Variants in PXDNL observed in about 807,000 individuals in gnomAD.
PXDNL encodes probable oxidoreductase PXDNL.
A neutral mutation model predicts 150.8 loss-of-function variants in PXDNL; 145 were observed. That is an observed-to-expected ratio of 0.96 (90% CI 0.84 to 1.10). The LOEUF (loss-of-function observed/expected upper bound fraction) is 1.10, where lower values mean the gene tolerates loss of function less well. Among genes scored for constraint, PXDNL ranks in the 50% least tolerant of loss-of-function variants. The pLI, the probability that PXDNL is intolerant of heterozygous loss-of-function variation, is 0.00. For missense variants in PXDNL, 2,087 were observed against 1,873.9 expected (o/e 1.11, Z -2.10); for synonymous variants, 757 against 725.7 (o/e 1.04, Z -0.69).
intron 20 of PXDNL, among the ~76,000 whole-genome samples, chr8:51,341,050 C>T (rs770549423): frequency 3.9e-5 from 6 of 152,172 alleles, no homozygotes; most frequent in African/African-American, 7.2e-5. Flanking sequence ...TGGAGTAGGA[C>T]GGTATTCACA....
At chr8:51,695,104 T>C (rs1162132342) in intron 1 of PXDNL, among the ~76,000 whole-genome samples, 5 of 152,198 alleles carry the variant, frequency 3.3e-5, no homozygotes, top group African/African-American at 1.2e-4. Flanking sequence ...AGAGGCTGTG[T>C]CAGCAGAACC....
chr8:51,323,030 C>T, intron 21 of PXDNL, among the ~76,000 whole-genome samples: 1 of 152,008 alleles, frequency 6.6e-6, no homozygotes, highest in African/African-American at 2.4e-5. Flanking sequence ...TCACAATAAC[C>T]AGATGTGAAC....
At chr8:51,574,904 G>T (rs1813017535) in intron 3 of PXDNL, among the ~76,000 whole-genome samples, 1 of 152,008 alleles carries the variant, frequency 6.6e-6, no homozygotes, top group Non-Finnish European at 1.5e-5. Flanking sequence ...TGAAGGAATG[G>T]TTAAATGAAA....
chr8:51,330,924 A>G (rs1221416626), intron 21 of PXDNL, among the ~76,000 whole-genome samples: 2 of 152,216 alleles, frequency 1.3e-5, no homozygotes, highest in African/African-American at 2.4e-5. Context: ...CAAACAAGTT[A>G]TTTGCTTTCA....
intron 4 of PXDNL, among the ~76,000 whole-genome samples, chr8:51,543,800 A>G (rs945743745): frequency 4.6e-5 from 7 of 152,128 alleles, no homozygotes; most frequent in African/African-American, 1.7e-4. Context: ...TATGAGGAAC[A>G]TGGCTAGAAG....
chr8:51,320,597 G>T, intron 22 of PXDNL, 187 bp downstream of exon 22: 1 of 544,366 alleles, frequency 1.8e-6, no homozygotes, highest in Non-Finnish European at 3.2e-6. Context: ...TCATTAGATT[G>T]TGACTATACT....
chr8:51,792,247 G>T (rs982255493), intron 1 of PXDNL, among the ~76,000 whole-genome samples: 2 of 152,016 alleles, frequency 1.3e-5, no homozygotes, highest in African/African-American at 4.8e-5. Context: ...CTCTCACTGG[G>T]ACTGACTAGG....
At chr8:51,804,563 T>G (rs563822714) in intron 1 of PXDNL, among the ~76,000 whole-genome samples, 1 of 152,278 alleles carries the variant, frequency 6.6e-6, no homozygotes, top group African/African-American at 2.4e-5. Flanking sequence ...ACACCAGACT[T>G]GTACTGTCAT....
chr8:51,381,814 A>G (rs542378624), intron 17 of PXDNL, among the ~76,000 whole-genome samples: 121 of 149,402 alleles, frequency 8.1e-4, no homozygotes, highest in Non-Finnish European at 9.6e-4. Flanking sequence ...CCCCACGCCC[A>G]GCTAATTTTT....
At chr8:51,737,218 C>T (rs1243061590) in intron 1 of PXDNL, among the ~76,000 whole-genome samples, 1 of 152,176 alleles carries the variant, frequency 6.6e-6, no homozygotes, top group East Asian at 1.9e-4. Flanking sequence ...AAAGATAAAA[C>T]TCTGTTTTTC....
chr8:51,652,462 AAC>A (rs376242532), intron 2 of PXDNL, among the ~76,000 whole-genome samples: 5 of 131,082 alleles, frequency 3.8e-5, no homozygotes, highest in African/African-American at 1.0e-4. Flanking sequence ...CACACACACA[AAC>A]ACACACACAC....
chr8:51,319,654 T>G lies in PXDNL; in HGVS notation c.*237A>C. 7.3e-6 allele frequency: 2 copies of G among 275,268 alleles called. No homozygotes were observed. The highest frequency in any genetic ancestry group is 1.3e-5 in the Non-Finnish European group (2 of 149,074). 17.1% of individuals were successfully genotyped at this position (275,268 alleles called of 1,614,324 possible). A position where few individuals can be genotyped will look rare whatever the true frequency, so the allele number is the denominator to read the frequency against. ...AACTGACAGCTTACAGTAAGAAATA[T>G]TTCTTATGATCAAACACTTCATATG... On this transcript the variant is annotated 3_prime_UTR_variant, in exon 23 of 23. Transcript: ENST00000356297.
intron 17 of PXDNL, among the ~76,000 whole-genome samples, chr8:51,396,036 G>A (rs2130851230): frequency 6.6e-6 from 1 of 152,324 alleles, no homozygotes; most frequent in African/African-American, 2.4e-5. Flanking sequence ...TACAGGTACT[G>A]ACACTAATGG....
At chr8:51,640,382 G>C (rs1054681230) in intron 2 of PXDNL, among the ~76,000 whole-genome samples, 6 of 152,030 alleles carry the variant, frequency 3.9e-5, no homozygotes, top group Non-Finnish European at 5.9e-5. Context: ...GGAAATAAAG[G>C]GTATTCAATT....
At chr8:51,735,535 T>TC (rs374582450) in intron 1 of PXDNL, among the ~76,000 whole-genome samples, 1 of 120,124 alleles carries the variant, frequency 8.3e-6, no homozygotes, top group Non-Finnish European at 1.6e-5. Context: ...TGTTTTTTTT[T>TC]TTTTTTTTTT....
intron 8 of PXDNL, among the ~76,000 whole-genome samples, chr8:51,467,969 C>A (rs1178416153): frequency 1.3e-5 from 2 of 152,000 alleles, no homozygotes; most frequent in Non-Finnish European, 2.9e-5. Flanking sequence ...CGTAAAGAAT[C>A]TCTAAAATTA....
chr8:51,809,351 A>G lies in PXDNL; in HGVS notation c.-7T>C, dbSNP rs752911076. On this transcript the variant is annotated 5_prime_UTR_variant, in exon 1 of 23. An upstream start codon of the reference 5' UTR is lost. Coordinates refer to ENST00000356297, the MANE Select transcript of PXDNL (RefSeq NM_144651.5). The stretch of plus-strand genomic sequence containing the variant: ...AGAACAGTCTGGGCTCCATCGCTCC[A>G]TTCGCTGCTGGCCACGCGAAGAAGC... 1.6e-5 allele frequency: 25 copies of G among 1,525,184 alleles called. No individual in the cohort carries two copies. Among genetic ancestry groups the G allele is most frequent in the Non-Finnish European group, 2.2e-5 (25 of 1,136,924 alleles). The allele number at this position is 1,525,184 out of a possible 1,614,324, so 94.5% of individuals were successfully genotyped here.
chr8:51,622,102 G>C (rs1479322355), intron 2 of PXDNL, among the ~76,000 whole-genome samples: 1 of 152,156 alleles, frequency 6.6e-6, no homozygotes, highest in Non-Finnish European at 1.5e-5. Context: ...AGCATAAAAA[G>C]GATTTAGTGG....
chr8:51,469,540 C>T (rs932869588), intron 8 of PXDNL, among the ~76,000 whole-genome samples: 1 of 152,020 alleles, frequency 6.6e-6, no homozygotes, highest in African/African-American at 2.4e-5. Context: ...ACTTTCTAAT[C>T]CTCCATTTCT....
Sources: allele counts gnomAD v4.1 joint callset (sites outside exome capture counted in the v4.1 genomes callset), GRCh38; gene constraint gnomAD v4.1.1; transcripts MANE v1.5; gene names NCBI Gene and HGNC (gene_info 2026-07-23, HGNC 2026-07-21).